Variants in CACNA2D4 observed in about 807,000 individuals in gnomAD.
CACNA2D4 encodes the protein voltage-dependent calcium channel subunit alpha-2/delta-4.
Under a neutral mutation model 163.8 loss-of-function variants are expected in CACNA2D4, and 157 were observed. The observed-to-expected ratio is 0.96, with a 90% CI of 0.84 to 1.09. The LOEUF (loss-of-function observed/expected upper bound fraction) is 1.09. Among genes scored for constraint, CACNA2D4 ranks in the 50% least tolerant of loss-of-function variants. The probability of loss-of-function intolerance (pLI) is 0.00; values close to 1 mark genes in which losing one functional copy is unlikely to be tolerated. For synonymous variants in CACNA2D4, 598 were observed against 586.9 expected, an observed-to-expected ratio of 1.02 and a Z score of -0.27; for missense variants, 1,410 against 1,479.9, an observed-to-expected ratio of 0.95 and a Z score of 0.78.
intron 26 of CACNA2D4, among the ~76,000 whole-genome samples, chr12:1,838,562 TC>T (rs909882913): frequency 1.3e-5 from 2 of 152,194 alleles, no homozygotes; most frequent in African/African-American, 4.8e-5. Context: ...AGCACCCCAT[TC>T]TTTTCCTCTG....
At chr12:1,898,687 G>A (rs1016303961) in intron 6 of CACNA2D4, among the ~76,000 whole-genome samples, 2 of 152,046 alleles carry the variant, frequency 1.3e-5, no homozygotes, top group Non-Finnish European at 1.5e-5. Flanking sequence ...CTGTGTGTGT[G>A]TGTGTGTGTG....
intron 26 of CACNA2D4, among the ~76,000 whole-genome samples, chr12:1,831,845 A>C (rs1035733281): frequency 6.6e-6 from 1 of 150,766 alleles, no homozygotes; most frequent in South Asian, 2.1e-4. Context: ...CTTAGGTTAC[A>C]TAAGGGCAGT....
Position 1,793,507 on chromosome 12 carries a change from G to A in CACNA2D4, c.*148C>T, listed in dbSNP as rs141367614. On this transcript the variant is annotated 3_prime_UTR_variant, in exon 38 of 38. Transcript: ENST00000382722. ...TTTCCTGTTCCATCCAGCATTCTCC[G>A]GAGCCAGGGGCCACCAGCCCAGGAT... 8.9e-4 allele frequency: 627 copies of A among 707,908 alleles called. 2 individuals are homozygous for A. Among genetic ancestry groups the A allele is most frequent in the Non-Finnish European group, 1.3e-3 (515 of 389,746 alleles). The allele number at this position is 707,908 out of a possible 1,614,324, so 43.9% of individuals were successfully genotyped here.
chr12:1,826,046 C>T (rs1212964642), intron 26 of CACNA2D4, among the ~76,000 whole-genome samples: 1 of 152,166 alleles, frequency 6.6e-6, no homozygotes, highest in Non-Finnish European at 1.5e-5. Flanking sequence ...ACATAGACTC[C>T]ACAGGCCCGG....
chr12:1,814,269 A>G (rs1863806234), intron 26 of CACNA2D4, among the ~76,000 whole-genome samples: 1 of 152,090 alleles, frequency 6.6e-6, no homozygotes, highest in Non-Finnish European at 1.5e-5. Context: ...GTGGGGGTGT[A>G]GGTGTTGAGG....
Position 1,918,480 on chromosome 12 carries a change from T to C in CACNA2D4, c.-7A>G. On this transcript the variant is annotated 5_prime_UTR_variant, in exon 1 of 38. Coordinates refer to ENST00000382722, the MANE Select transcript of CACNA2D4 (RefSeq NM_172364.5). ...CAGAGCAGCCACAGACCATGAGCTC[T>C]GTCTGCCTTCCTCCCAGACCCCAGG... 1 of 1,549,074 alleles carries C rather than the reference T, an allele frequency of 6.5e-7. No homozygotes were observed. The highest frequency in any genetic ancestry group is 2.0e-5 in the Admixed American group (1 of 51,162).
chr12:1,915,935 T>C (rs1352920157), intron 1 of CACNA2D4, among the ~76,000 whole-genome samples: 2 of 152,222 alleles, frequency 1.3e-5, no homozygotes, highest in Non-Finnish European at 2.9e-5. Flanking sequence ...AGGGACAGCT[T>C]TGTCATGCGG....
chr12:1,863,065 T>C (rs192384258), intron 18 of CACNA2D4, among the ~76,000 whole-genome samples: 2 of 152,352 alleles, frequency 1.3e-5, no homozygotes, highest in African/African-American at 4.8e-5. Flanking sequence ...CAGTTTTAGC[T>C]TTTACATTGA....
chr12:1,847,579 C>G (rs138451667), intron 23 of CACNA2D4, among the ~76,000 whole-genome samples: 31 of 152,266 alleles, frequency 2.0e-4, no homozygotes, highest in African/African-American at 7.5e-4. Context: ...GCATGGGAGT[C>G]ATAGGACTCG....
At chr12:1,825,551 GA>G (rs1459845101) in intron 26 of CACNA2D4, among the ~76,000 whole-genome samples, 1 of 152,234 alleles carries the variant, frequency 6.6e-6, no homozygotes, top group Non-Finnish European at 1.5e-5. Context: ...TCAGCTGCCT[GA>G]GTGTTGGCAT....
Position 1,844,356 on chromosome 12 carries a change from T to C in CACNA2D4, c.2470+46A>G. ...AGCACAGCAGGAGGAGAGATGAGACTGGCCTGAGACTGGCCCAGCCCCGGG... is the reference window on the plus strand; with the variant it reads ...AGCACAGCAGGAGGAGAGATGAGACCGGCCTGAGACTGGCCCAGCCCCGGG... On this transcript the variant is annotated intron_variant, in intron 25 of 37. Transcript: ENST00000382722. The surrounding 1 kb of genome is among the most constrained non-coding windows in gnomAD (Gnocchi z 4.2). The C allele has an allele frequency of 2.5e-6, 4 of 1,603,098 alleles. No individual in the cohort carries two copies. The highest frequency in any genetic ancestry group is 1.7e-5 in the Admixed American group (1 of 59,424).
Position 1,858,652 on chromosome 12 carries a change from GA to G in CACNA2D4, c.1941-9del. The G allele has an allele frequency of 6.3e-7, 1 of 1,589,028 alleles. No individual in the cohort carries two copies. Among genetic ancestry groups the G allele is most frequent in the South Asian group, 1.1e-5 (1 of 87,292 alleles). ...GACAGCACCACCCCCAAACTGTGGGGAGAGAAGAGAAGGCACTCATTCAGCA... is the reference window on the plus strand; with the variant it reads ...GACAGCACCACCCCCAAACTGTGGGGGAGAAGAGAAGGCACTCATTCAGCA... On this transcript the variant is annotated splice_polypyrimidine_tract_variant and intron_variant, in intron 19 of 37. Coordinates refer to ENST00000382722, the MANE Select transcript of CACNA2D4 (RefSeq NM_172364.5).
chr12:1,907,637 T>A, intron 5 of CACNA2D4, 66 bp from the exon 6 acceptor site: 1 of 1,469,272 alleles, frequency 6.8e-7, no homozygotes, highest in Non-Finnish European at 9.4e-7. Flanking sequence ...TCATGCCCGG[T>A]GAGGGTGCCT....
chr12:1,802,015 CTGTG>C lies in CACNA2D4; in HGVS notation c.2722-375_2722-372del, dbSNP rs60739615. Among the ~76,000 whole-genome samples, 18,087 of 144,098 alleles carry C rather than the reference CTGTG, an allele frequency of 0.13. 1,409 individuals are homozygous for C. Among genetic ancestry groups the C allele is most frequent in the African/African-American group, 0.23 (8,838 of 38,734 alleles). 94.5% of individuals were successfully genotyped at this position (144,098 alleles called of 152,430 possible). A position where few individuals can be genotyped will look rare whatever the true frequency, so the allele number is the denominator to read the frequency against. ...TATGAAACTGGATTTGTTTTATATG[CTGTG>C]TGTGTGTGTGTGTGTGTGTGTGTGT... On this transcript the variant is annotated intron_variant, in intron 29 of 37. Coordinates refer to ENST00000382722, the MANE Select transcript of CACNA2D4 (RefSeq NM_172364.5). This position sits in a 1 kb window ranked among gnomAD's most constrained non-coding sequence, Gnocchi z 4.7.
chr12:1,800,077 G>C, intron 32 of CACNA2D4, 25 bp from the exon 33 acceptor site: 1 of 1,582,856 alleles, frequency 6.3e-7, no homozygotes, highest in Non-Finnish European at 8.6e-7. Flanking sequence ...ACTGAATCTC[G>C]GAGACCTCTG....
intron 6 of CACNA2D4, among the ~76,000 whole-genome samples, chr12:1,889,470 G>C (rs941470570): frequency 1.3e-5 from 2 of 152,138 alleles, no homozygotes; most frequent in African/African-American, 4.8e-5. Context: ...TGACTGAGTA[G>C]AGAGCAAAAA....
Position 1,828,646 on chromosome 12 carries a change from G to A in CACNA2D4, c.2551+12093C>T, listed in dbSNP as rs895977490. ...GGGAACTGCCCCCTTGGCTGGCCTC[G>A]GCCAGGAGCTGGGTCAGCTTGGAGA... On this transcript the variant is annotated intron_variant, in intron 26 of 37. Transcript: ENST00000382722. The surrounding 1 kb of genome is among the most constrained non-coding windows in gnomAD (Gnocchi z 4.2). Among the ~76,000 whole-genome samples the A allele has an allele frequency of 1.4e-4, 22 of 152,196 alleles. No homozygotes were observed. Among genetic ancestry groups the A allele is most frequent in the Admixed American group, 5.2e-4 (8 of 15,284 alleles).
In CACNA2D4 at chr12:1,810,270, T is replaced by G; in HGVS notation, c.2721+8A>C. 1.2e-6 allele frequency: 2 copies of G among 1,609,446 alleles called. No homozygotes were observed. Among genetic ancestry groups the G allele is most frequent in the Non-Finnish European group, 1.7e-6 (2 of 1,175,824 alleles). ...TCTCCCCCTCATTCTATATCCCCAG[T>G]GACTCACCTCTCGGGACCTCTTGGA... is the stretch of plus-strand genomic sequence containing the variant. On this transcript the variant is annotated splice_region_variant and intron_variant, in intron 29 of 37. Coordinates refer to ENST00000382722, the MANE Select transcript of CACNA2D4 (RefSeq NM_172364.5).
intron 26 of CACNA2D4, 98 bp downstream of exon 26, chr12:1,840,641 C>T: frequency 1.1e-6 from 1 of 948,324 alleles, no homozygotes; most frequent in East Asian, 2.5e-5. Flanking sequence ...AGGACTGTGG[C>T]CCTGGCCACA....
Sources: gnomAD v4.1 joint callset for allele counts (sites outside exome capture counted in the v4.1 genomes callset) on GRCh38, gnomAD v4.1.1 for gene constraint, Gnocchi (gnomAD v3.1) non-coding constraint, MANE v1.5 for transcripts, NCBI Gene and HGNC (gene_info 2026-07-23, HGNC 2026-07-21) for gene names.